Variants in NRGN observed in about 807,000 individuals in gnomAD.
The protein encoded by NRGN is calmodulin-binding protein.
For missense variants in NRGN, 82 were observed against 123.0 expected, an observed-to-expected ratio of 0.67 and a Z score of 1.58; for synonymous variants, 47 against 52.8, an observed-to-expected ratio of 0.89 and a Z score of 0.47.
chr11:124,742,545 G>A (rs1943975001), intron 1 of NRGN, among the ~76,000 whole-genome samples: 2 of 152,140 alleles, frequency 1.3e-5, no homozygotes, highest in African/African-American at 2.4e-5. Flanking sequence ...AAAAGCGCAT[G>A]AATTTTTTTG....
rs1944012618 is a variant in NRGN, at chr11:124,746,480, C to G, written c.*100C>G. ...TGCCGTGTTTGTGACCCCCTCCTGCCCAGCAACCTGCCAGCTACAGGAGCC... is the reference window on the plus strand; with the variant it reads ...TGCCGTGTTTGTGACCCCCTCCTGCGCAGCAACCTGCCAGCTACAGGAGCC... On this transcript the variant is annotated 3_prime_UTR_variant, in exon 4 of 4. Transcript: ENST00000284292. The G allele has an allele frequency of 6.5e-6, 1 of 152,756 alleles. No homozygotes were observed. Among genetic ancestry groups the G allele is most frequent in the Admixed American group, 6.5e-5 (1 of 15,286 alleles). 9.5% of individuals were successfully genotyped at this position (152,756 alleles called of 1,614,324 possible). A position where few individuals can be genotyped will look rare whatever the true frequency, so the allele number is the denominator to read the frequency against.
Position 124,740,083 on chromosome 11 carries a change from G to C in NRGN, c.-2G>C, listed in dbSNP as rs758425458. 120 of 1,351,150 alleles carry C rather than the reference G, an allele frequency of 8.9e-5. No individual in the cohort carries two copies. Among genetic ancestry groups the C allele is most frequent in the Non-Finnish European group, 1.1e-4 (112 of 1,043,632 alleles). The allele number at this position is 1,351,150 out of a possible 1,614,324, so 83.7% of individuals were successfully genotyped here. On this transcript the variant is annotated 5_prime_UTR_variant, in exon 1 of 4. Coordinates refer to ENST00000284292, the MANE Select transcript of NRGN (RefSeq NM_006176.3). This position sits in a 1 kb window ranked among gnomAD's most constrained non-coding sequence, Gnocchi z 7.5. ...CCCCGCAGAGGACCCCCCGACACCA[G>C]CATGGACTGCTGCACCGTAAGTTAG...
At chr11:124,743,060 A>G (rs919806939) in intron 1 of NRGN, among the ~76,000 whole-genome samples, 6 of 152,200 alleles carry the variant, frequency 3.9e-5, no homozygotes, top group South Asian at 2.1e-4. Flanking sequence ...ACCATGACCA[A>G]TGAACCTCTT....
chr11:124,743,207 A>G (rs1943979529), intron 1 of NRGN, among the ~76,000 whole-genome samples: 1 of 152,196 alleles, frequency 6.6e-6, no homozygotes, highest in Non-Finnish European at 1.5e-5. Flanking sequence ...TTTGCCTGCT[A>G]TTCCAGGTTT....
chr11:124,743,902 G>GAAAAAAAAAAAAAAAAAAAAAAA (rs56291708), intron 1 of NRGN, among the ~76,000 whole-genome samples: 1 of 134,934 alleles, frequency 7.4e-6, no homozygotes, highest in African/African-American at 2.9e-5. Context: ...TTCATGAAAA[G>GAAAAAAAAAAAAAAAAAAAAAAA]AAAAAAAAAA....
At position 124,745,787 on chromosome 11, in the gene NRGN, G is replaced by A; in HGVS notation, c.*5+58G>A. 2 of 983,626 alleles carry A rather than the reference G, an allele frequency of 2.0e-6. No homozygotes were observed. Among genetic ancestry groups the A allele is most frequent in the Non-Finnish European group, 2.7e-6 (2 of 736,304 alleles). The allele number at this position is 983,626 out of a possible 1,614,324, so 60.9% of individuals were successfully genotyped here. Reference sequence around the variant, plus strand: ...TGCCCTTCCCCAGCCCTCCCCAGGAGCAGGGGGAGAATAAGGGCGGGTTGG... The same window carrying A: ...TGCCCTTCCCCAGCCCTCCCCAGGAACAGGGGGAGAATAAGGGCGGGTTGG... On this transcript the variant is annotated intron_variant, in intron 2 of 3. Coordinates refer to ENST00000284292, the MANE Select transcript of NRGN (RefSeq NM_006176.3). This position sits in a 1 kb window ranked among gnomAD's most constrained non-coding sequence, Gnocchi z 6.4.
Position 124,744,329 on chromosome 11 carries a change from A to G in NRGN, c.16-1174A>G, listed in dbSNP as rs77302447. On this transcript the variant is annotated intron_variant, in intron 1 of 3. Coordinates refer to ENST00000284292, the MANE Select transcript of NRGN (RefSeq NM_006176.3). ...CTAGGTTGTGCAAGAGACTTTATGC[A>G]TATCATGCTGTTTATTCTTCCCCAC... Among the ~76,000 whole-genome samples the G allele has an allele frequency of 6.6e-3, 1,001 of 152,368 alleles. 12 individuals carry two copies. In the East Asian group the frequency reaches 0.078, roughly 12 times the overall value.
At chr11:124,742,528 C>T (rs939923888) in intron 1 of NRGN, among the ~76,000 whole-genome samples, 4 of 152,110 alleles carry the variant, frequency 2.6e-5, no homozygotes, top group Admixed American at 2.0e-4. Context: ...GCATTCACCG[C>T]GCATGAAAAA....
At position 124,745,487 on chromosome 11, in the gene NRGN, C is replaced by T. The variant is rs1012215341; in HGVS notation, c.16-16C>T. On this transcript the variant is annotated splice_polypyrimidine_tract_variant and intron_variant, in intron 1 of 3. Coordinates refer to ENST00000284292, the MANE Select transcript of NRGN (RefSeq NM_006176.3). The surrounding 1 kb of genome is among the most constrained non-coding windows in gnomAD (Gnocchi z 6.4). ...GACCCAGTGACCCCACAAGAACCCC[C>T]CTGCTTCGCCCCCAGGAGAACGCCT... 9.0e-6 allele frequency: 14 copies of T among 1,561,488 alleles called. No individual in the cohort carries two copies. In the African/African-American group the frequency reaches 1.5e-4, roughly 17 times the overall value.
rs933239931 is a variant in NRGN at position 124,739,948 on chromosome 11, G to T, written c.-137G>T. The T allele has an allele frequency of 4.5e-6, 2 of 444,464 alleles. No individual in the cohort carries two copies. The highest frequency in any genetic ancestry group is 4.0e-6 in the Non-Finnish European group (1 of 249,964). 27.5% of individuals were successfully genotyped at this position (444,464 alleles called of 1,614,324 possible). ...GAGCGGAGCCGAGCGCGGGAGACCGGACCCGAGAGCAGAGCTGCTGTTTCG... is the reference window on the plus strand; with the variant it reads ...GAGCGGAGCCGAGCGCGGGAGACCGTACCCGAGAGCAGAGCTGCTGTTTCG... On this transcript the variant is annotated 5_prime_UTR_variant, in exon 1 of 4. Transcript: ENST00000284292.
chr11:124,743,625 C>T (rs996854383), intron 1 of NRGN, among the ~76,000 whole-genome samples: 6 of 152,192 alleles, frequency 3.9e-5, no homozygotes, highest in African/African-American at 1.2e-4. Context: ...ATGTGAAGCC[C>T]AGGAAATGAG....
chr11:124,745,481 AACCCCC>A lies in NRGN; in HGVS notation c.16-21_16-16del. 6.5e-7 allele frequency: 1 copy of A among 1,543,384 alleles called. No homozygotes were observed. Among genetic ancestry groups the A allele is most frequent in the Non-Finnish European group, 8.7e-7 (1 of 1,144,666 alleles). Reference sequence around the variant, plus strand: ...GATCAAGACCCAGTGACCCCACAAGAACCCCCCTGCTTCGCCCCCAGGAGAACGCCT... The same window carrying A: ...GATCAAGACCCAGTGACCCCACAAGACTGCTTCGCCCCCAGGAGAACGCCT... On this transcript the variant is annotated splice_polypyrimidine_tract_variant and intron_variant, in intron 1 of 3. Coordinates refer to ENST00000284292, the MANE Select transcript of NRGN (RefSeq NM_006176.3). This position sits in a 1 kb window ranked among gnomAD's most constrained non-coding sequence, Gnocchi z 6.4.
Position 124,745,713 on chromosome 11 carries a change from A to G in NRGN, c.226A>G (p.Ser76Gly). The change falls in exon 2 of 4, where the codon AGC (serine) becomes GGC (glycine). Residue 76 changes from serine to glycine, a missense_variant. Ser to Gly is a moderately conservative substitution (Grantham distance 56). Transcript: ENST00000284292. This position sits in a 1 kb window ranked among gnomAD's most constrained non-coding sequence, Gnocchi z 6.4. ...CCGGGGAGGCGCGGGCGGCGGCCCC[A>G]GCGGAGACTAGGCCAGGTGAGGCGG... Reference protein sequence around the residue: ...VARGGAGGGPSGD With the variant: ...VARGGAGGGPGGD 7.2e-7 allele frequency: 1 copy of G among 1,382,288 alleles called. No individual in the cohort carries two copies. The highest frequency in any genetic ancestry group is 9.3e-7 in the Non-Finnish European group (1 of 1,073,492). 85.6% of individuals were successfully genotyped at this position (1,382,288 alleles called of 1,614,324 possible). A position where few individuals can be genotyped will look rare whatever the true frequency, so the allele number is the denominator to read the frequency against.
Position 124,740,075 on chromosome 11 carries a change from C to G in NRGN, c.-10C>G. The G allele has an allele frequency of 7.4e-7, 1 of 1,343,504 alleles. No homozygotes were observed. The highest frequency in any genetic ancestry group is 9.6e-7 in the Non-Finnish European group (1 of 1,038,884). The allele number at this position is 1,343,504 out of a possible 1,614,324, so 83.2% of individuals were successfully genotyped here. On this transcript the variant is annotated 5_prime_UTR_variant, in exon 1 of 4. Transcript: ENST00000284292. This position sits in a 1 kb window ranked among gnomAD's most constrained non-coding sequence, Gnocchi z 7.5. The stretch of plus-strand genomic sequence containing the variant: ...GCCTTCGTCCCCGCAGAGGACCCCC[C>G]GACACCAGCATGGACTGCTGCACCG...
In NRGN at chr11:124,740,980, CTAA is replaced by C. The variant is rs1943961732; in HGVS notation, c.15+883_15+885del. Among the ~76,000 whole-genome samples, 1 of 152,174 alleles carries C rather than the reference CTAA, an allele frequency of 6.6e-6. No individual in the cohort carries two copies. The highest frequency in any genetic ancestry group is 2.4e-5 in the African/African-American group (1 of 41,426). ...TATTTTCAGTCATTCAGTCAACCAGCTAATGATACACGAGGTTACTGACTTTGC... is the reference window on the plus strand; with the variant it reads ...TATTTTCAGTCATTCAGTCAACCAGCTGATACACGAGGTTACTGACTTTGC... On this transcript the variant is annotated intron_variant, in intron 1 of 3. Transcript: ENST00000284292. This position sits in a 1 kb window ranked among gnomAD's most constrained non-coding sequence, Gnocchi z 7.5.
rs1943955961 is a variant in NRGN, at chr11:124,740,155, C to T, written c.15+56C>T. ...TGGCGGGGTCCGCTGCGAGAGGCGC[C>T]TGAGAAAGCCCTGGAGGGCGAGAGA... On this transcript the variant is annotated intron_variant, in intron 1 of 3. Transcript: ENST00000284292. This position sits in a 1 kb window ranked among gnomAD's most constrained non-coding sequence, Gnocchi z 7.5. 1 of 1,257,508 alleles carries T rather than the reference C, an allele frequency of 8.0e-7. No homozygotes were observed. The highest frequency in any genetic ancestry group is 1.0e-6 in the Non-Finnish European group (1 of 977,074). 77.9% of individuals were successfully genotyped at this position (1,257,508 alleles called of 1,614,324 possible). A position where few individuals can be genotyped will look rare whatever the true frequency, so the allele number is the denominator to read the frequency against.
At chr11:124,741,020 A>G (rs1943962131) in intron 1 of NRGN, among the ~76,000 whole-genome samples, 2 of 152,232 alleles carry the variant, frequency 1.3e-5, no homozygotes, top group African/African-American at 2.4e-5. Flanking sequence ...ACCTTATGGC[A>G]TAGTAAAGAA....
intron 1 of NRGN, among the ~76,000 whole-genome samples, chr11:124,741,203 C>T (rs1215105748): frequency 6.6e-6 from 1 of 152,146 alleles, no homozygotes; most frequent in Non-Finnish European, 1.5e-5. Flanking sequence ...TGCCCTGTAG[C>T]CAGCACTTTA....
chr11:124,744,195 C>T lies in NRGN; in HGVS notation c.16-1308C>T, dbSNP rs549921460. ...GGGCCTGATTATTATTAGGTTGAAC[C>T]ATATGAAATTGTTATTATATGACCA... On this transcript the variant is annotated intron_variant, in intron 1 of 3. Coordinates refer to ENST00000284292, the MANE Select transcript of NRGN (RefSeq NM_006176.3). Among the ~76,000 whole-genome samples the T allele has an allele frequency of 5.9e-5, 9 of 152,294 alleles. No individual in the cohort carries two copies. The South Asian group carries it at 1.9e-3, about 32-fold the overall frequency.
Sources: allele counts gnomAD v4.1 joint callset (sites outside exome capture counted in the v4.1 genomes callset), GRCh38; gene constraint gnomAD v4.1.1; non-coding constraint Gnocchi (gnomAD v3.1); transcripts MANE v1.5; gene names NCBI Gene and HGNC (gene_info 2026-07-23, HGNC 2026-07-21).